CDH13: variants seen among roughly 807,000 people sequenced by gnomAD.
CDH13 encodes cadherin-13.
In CDH13, 24 loss-of-function variants were observed where a neutral mutation model predicts 63.8. That is an observed-to-expected ratio of 0.38 (90% CI 0.27 to 0.53). The LOEUF is 0.53. CDH13 is among the 20% of genes least tolerant of loss of function. The pLI is 0.85. For synonymous variants in CDH13, 503 were observed against 355.3 expected (o/e 1.42, Z -4.67); for missense variants, 1,049 against 903.1 (o/e 1.16, Z -2.07).
Position 83,121,962 on chromosome 16 carries a change from TCACACACA to T in CDH13, c.367-3397_367-3390del, listed in dbSNP as rs10665608. Among the ~76,000 whole-genome samples the T allele has an allele frequency of 1.1e-3, 156 of 147,518 alleles. 2 individuals carry two copies. Among genetic ancestry groups the T allele is most frequent in the Non-Finnish European group, 1.6e-3 (107 of 66,708 alleles). On this transcript the variant is annotated intron_variant, in intron 3 of 13. Transcript: ENST00000567109. The stretch of plus-strand genomic sequence containing the variant: ...TTACATAAATTTTCCTTTAAAACTG[TCACACACA>T]CACACACACACACACACACACACAC...
intron 5 of CDH13, among the ~76,000 whole-genome samples, chr16:83,223,496 CAA>C (rs1271162357): frequency 1.3e-5 from 2 of 152,218 alleles, no homozygotes; most frequent in African/African-American, 4.8e-5. Context: ...TCAACCATAG[CAA>C]AGAGTCAAGG....
intron 4 of CDH13, among the ~76,000 whole-genome samples, chr16:83,200,655 C>A (rs941572774): frequency 6.6e-6 from 1 of 152,074 alleles, no homozygotes; most frequent in Non-Finnish European, 1.5e-5. Context: ...TATTAGTAAC[C>A]GAAACTTGAG....
Position 83,653,962 on chromosome 16 carries a change from T to G in CDH13, c.1102-16828T>G, listed in dbSNP as rs1912633972. Reference sequence around the variant, plus strand: ...GGGAATATGTCCTTGGAGAGTGAAATGAACGAGTGGCTAGGAACACACACA... The same window carrying G: ...GGGAATATGTCCTTGGAGAGTGAAAGGAACGAGTGGCTAGGAACACACACA... On this transcript the variant is annotated intron_variant, in intron 8 of 13. Coordinates refer to ENST00000567109, the MANE Select transcript of CDH13 (RefSeq NM_001257.5). Among the ~76,000 whole-genome samples the G allele has an allele frequency of 2.0e-5, 3 of 152,098 alleles. No homozygotes were observed. In the South Asian group the frequency reaches 6.2e-4, roughly 32 times the overall value.
intron 4 of CDH13, among the ~76,000 whole-genome samples, chr16:83,213,963 A>G (rs1031515080): frequency 2.6e-5 from 4 of 152,138 alleles, no homozygotes; most frequent in African/African-American, 9.7e-5. Flanking sequence ...GGTTTGTAAA[A>G]TGGACCAATC....
chr16:82,672,845 C>T (rs1297472136), intron 1 of CDH13, among the ~76,000 whole-genome samples: 3 of 151,810 alleles, frequency 2.0e-5, no homozygotes, highest in Non-Finnish European at 4.4e-5. Flanking sequence ...GACAGAGCCT[C>T]ACTGTGTTGC....
chr16:83,695,875 T>G (rs1485685021), intron 10 of CDH13, among the ~76,000 whole-genome samples: 1 of 151,798 alleles, frequency 6.6e-6, no homozygotes, highest in Non-Finnish European at 1.5e-5. Context: ...CAAATCCAGA[T>G]ATATTTATGC....
chr16:82,911,808 G>T (rs538223659), intron 2 of CDH13, among the ~76,000 whole-genome samples: 109 of 152,138 alleles, frequency 7.2e-4, no homozygotes, highest in African/African-American at 2.4e-3. Context: ...TGGAATCCTG[G>T]CTTTTACCAC....
At chr16:83,745,523 C>T (rs1040795881) in intron 10 of CDH13, among the ~76,000 whole-genome samples, 3 of 152,168 alleles carry the variant, frequency 2.0e-5, no homozygotes, top group Non-Finnish European at 4.4e-5. Flanking sequence ...GGATGGTGGC[C>T]AGGCGAGGGT....
intron 5 of CDH13, among the ~76,000 whole-genome samples, chr16:83,279,741 TA>T (rs981455716): frequency 1.3e-5 from 2 of 152,066 alleles, no homozygotes; most frequent in African/African-American, 4.8e-5. Flanking sequence ...AAGCAAACCA[TA>T]AAACATACCT....
chr16:82,849,921 C>T (rs1425583360), intron 1 of CDH13, among the ~76,000 whole-genome samples: 1 of 152,218 alleles, frequency 6.6e-6, no homozygotes. Flanking sequence ...AACTGCTGCT[C>T]AGAAAACTAT....
At chr16:83,092,081 C>T (rs957018100) in intron 3 of CDH13, among the ~76,000 whole-genome samples, 1 of 152,168 alleles carries the variant, frequency 6.6e-6, no homozygotes, top group Non-Finnish European at 1.5e-5. Flanking sequence ...AGTTAAAGAA[C>T]CATGAAATAA....
chr16:82,889,749 G>A (rs950791102), intron 2 of CDH13, among the ~76,000 whole-genome samples: 1 of 152,218 alleles, frequency 6.6e-6, no homozygotes, highest in African/African-American at 2.4e-5. Context: ...GAAAAATTGA[G>A]TATATCTTGT....
chr16:82,805,888 G>C (rs189716319), intron 1 of CDH13, among the ~76,000 whole-genome samples: 1 of 152,322 alleles, frequency 6.6e-6, no homozygotes, highest in Non-Finnish European at 1.5e-5. Context: ...ACAACTGTCT[G>C]TCTTTTAACA....
intron 8 of CDH13, among the ~76,000 whole-genome samples, chr16:83,618,151 AT>A (rs201934071): frequency 0.064 from 9,764 of 152,236 alleles, 828 homozygotes; most frequent in African/African-American, 0.19. Flanking sequence ...GCGGCCAGGC[AT>A]GGTGGCTCAT....
intron 8 of CDH13, among the ~76,000 whole-genome samples, chr16:83,635,684 C>G (rs1266192685): frequency 6.6e-6 from 1 of 152,104 alleles, no homozygotes; most frequent in Non-Finnish European, 1.5e-5. Flanking sequence ...TGTTGAGAGT[C>G]TTTTATGTAG....
intron 10 of CDH13, among the ~76,000 whole-genome samples, chr16:83,697,690 C>G (rs1905589907): frequency 6.6e-6 from 1 of 152,226 alleles, no homozygotes; most frequent in African/African-American, 2.4e-5. Context: ...CTCTGTCACC[C>G]AGGCTGGAGT....
chr16:83,091,976 T>G (rs2033934097), intron 3 of CDH13, among the ~76,000 whole-genome samples: 1 of 152,232 alleles, frequency 6.6e-6, no homozygotes, highest in Non-Finnish European at 1.5e-5. Context: ...TCAGAGAATC[T>G]AGAAATTTTT....
chr16:83,755,963 T>C (rs1027468714), intron 11 of CDH13, among the ~76,000 whole-genome samples: 3 of 152,152 alleles, frequency 2.0e-5, no homozygotes, highest in Non-Finnish European at 4.4e-5. Context: ...CTAAAATGCA[T>C]GACAGCAGTA....
rs575954588 is a variant in CDH13, at chr16:82,827,993, G to A, written c.46-30369G>A. The stretch of plus-strand genomic sequence containing the variant: ...TTCTGTCCCACTTTTGACACAGAGA[G>A]TCTCACACTCCGGGAAACCTCTCAG... On this transcript the variant is annotated intron_variant, in intron 1 of 13. Coordinates refer to ENST00000567109, the MANE Select transcript of CDH13 (RefSeq NM_001257.5). 3.3e-5 allele frequency among the ~76,000 whole-genome samples: 5 copies of A among 152,200 alleles called. No individual in the cohort carries two copies. In the East Asian group the frequency reaches 9.7e-4, roughly 30 times the overall value.
Sources: gnomAD v4.1 joint callset for allele counts (sites outside exome capture counted in the v4.1 genomes callset) on GRCh38, gnomAD v4.1.1 for gene constraint, MANE v1.5 for transcripts, NCBI Gene and HGNC (gene_info 2026-07-23, HGNC 2026-07-21) for gene names.